The following LRP1B variants were observed in gnomAD, a reference collection of about 807,000 sequenced individuals.
LRP1B encodes the protein low-density lipoprotein receptor-related protein 1B.
In LRP1B, 217 loss-of-function variants were observed where a neutral mutation model predicts 556.6. The ratio of observed to expected loss-of-function variants is 0.39; its 90% confidence interval spans 0.35 to 0.44. The LOEUF (loss-of-function observed/expected upper bound fraction) is 0.44, where lower values mean the gene tolerates loss of function less well. Ranked by LOEUF, LRP1B falls within the 20% of genes least tolerant of loss-of-function variation. The pLI, the probability that LRP1B is intolerant of heterozygous loss-of-function variation, is 1.00. For missense variants in LRP1B, 5,053 were observed against 5,620.8 expected (o/e 0.90, Z 3.23); for synonymous variants, 2,047 against 1,865.8 (o/e 1.10, Z -2.50).
At chr2:141,054,550 T>G (rs563948531) in intron 10 of LRP1B, among the ~76,000 whole-genome samples, 1 of 152,154 alleles carries the variant, frequency 6.6e-6, no homozygotes, top group African/African-American at 2.4e-5. Context: ...CAAAGATATA[T>G]CTAAGAGATT....
chr2:140,234,997 A>G (rs919391893), intron 89 of LRP1B, 113 bp from the exon 90 acceptor site: 20 of 548,868 alleles, frequency 3.6e-5, no homozygotes, highest in Non-Finnish European at 5.9e-5. Flanking sequence ...TTAGCCTTAC[A>G]CCATTTACAG....
At chr2:141,990,328 C>A (rs1018126661) in intron 1 of LRP1B, among the ~76,000 whole-genome samples, 2 of 151,978 alleles carry the variant, frequency 1.3e-5, no homozygotes, top group African/African-American at 4.8e-5. Flanking sequence ...ATGTTAAATA[C>A]TTTAAAATTT....
chr2:141,611,035 C>T (rs1011925247), intron 2 of LRP1B, among the ~76,000 whole-genome samples: 45 of 152,116 alleles, frequency 3.0e-4, no homozygotes, highest in African/African-American at 8.0e-4. Context: ...AAAGCCATGC[C>T]TAATTATACA....
chr2:141,618,979 A>G (rs1688407783), intron 2 of LRP1B, among the ~76,000 whole-genome samples: 1 of 152,254 alleles, frequency 6.6e-6, no homozygotes, highest in Admixed American at 6.5e-5. Context: ...ATTGCATTAA[A>G]GTAAAACTTT....
chr2:140,604,263 C>T (rs1035725398), intron 41 of LRP1B, among the ~76,000 whole-genome samples: 1 of 151,814 alleles, frequency 6.6e-6, no homozygotes, highest in South Asian at 2.1e-4. Context: ...TCCCTCTTAC[C>T]CACTTTTGAG....
chr2:141,176,633 G>A (rs1680748762), intron 7 of LRP1B, among the ~76,000 whole-genome samples: 1 of 151,794 alleles, frequency 6.6e-6, no homozygotes, highest in African/African-American at 2.4e-5. Context: ...ATAGTAGTGT[G>A]AGAACAGATT....
chr2:142,089,326 T>G (rs1706073075), intron 1 of LRP1B, among the ~76,000 whole-genome samples: 1 of 152,130 alleles, frequency 6.6e-6, no homozygotes, highest in African/African-American at 2.4e-5. Flanking sequence ...AACTTATGCA[T>G]AAGACAAACA....
intron 1 of LRP1B, among the ~76,000 whole-genome samples, chr2:142,019,302 G>A (rs1372052350): frequency 6.6e-6 from 1 of 152,134 alleles, no homozygotes; most frequent in African/African-American, 2.4e-5. Flanking sequence ...TAGTTCAGTA[G>A]TTTAGTGTTG....
At chr2:141,369,783 G>A (rs76166078) in intron 3 of LRP1B, among the ~76,000 whole-genome samples, 6,737 of 152,014 alleles carry the variant, frequency 0.044, 226 homozygotes, top group African/African-American at 0.082. Context: ...TTGTACCCCC[G>A]GAGCAAGCTC....
chr2:140,651,973 T>C (rs1232358824), intron 41 of LRP1B, among the ~76,000 whole-genome samples: 2 of 152,066 alleles, frequency 1.3e-5, no homozygotes, highest in East Asian at 1.9e-4. Context: ...GTTTCTTGAA[T>C]ATGGGTAAGC....
intron 5 of LRP1B, among the ~76,000 whole-genome samples, chr2:141,243,986 A>C (rs1341310241): frequency 6.6e-6 from 1 of 152,200 alleles, no homozygotes; most frequent in Non-Finnish European, 1.5e-5. Context: ...AGGAGGAATA[A>C]TCAATTAACT....
rs1315708242 is a variant in LRP1B, at chr2:141,328,044, A to AT, written c.344-73404dup. Among the ~76,000 whole-genome samples, 3 of 152,340 alleles carry AT rather than the reference A, an allele frequency of 2.0e-5. No individual in the cohort carries two copies. The East Asian group carries it at 5.8e-4, about 29-fold the overall frequency. ...GATAAGTAAGATATCATGAATCTAA[A>AT]TAAAAAAAAGAAAAATTGTCATCCA... On this transcript the variant is annotated intron_variant, in intron 3 of 90. Coordinates refer to ENST00000389484, the MANE Select transcript of LRP1B (RefSeq NM_018557.3).
At chr2:141,011,504 A>G (rs930791414) in intron 14 of LRP1B, among the ~76,000 whole-genome samples, 1 of 152,090 alleles carries the variant, frequency 6.6e-6, no homozygotes, top group African/African-American at 2.4e-5. Flanking sequence ...TTTAATTTCT[A>G]TATTGTATTG....
At chr2:141,308,203 C>G (rs1050405831) in intron 3 of LRP1B, among the ~76,000 whole-genome samples, 1 of 152,074 alleles carries the variant, frequency 6.6e-6, no homozygotes, top group Non-Finnish European at 1.5e-5. Context: ...AGGACTTTCA[C>G]CTGAGAAGAC....
intron 41 of LRP1B, chr2:140,683,946 C>G (rs1685956731): frequency 2.6e-6 from 1 of 383,562 alleles, no homozygotes; most frequent in Non-Finnish European, 4.8e-6. Flanking sequence ...GGCTACGTGA[C>G]GCGCCTTTAC....
At position 141,942,792 on chromosome 2, in the gene LRP1B, C is replaced by A. The variant is rs866761856; in HGVS notation, c.83-132391G>T. On this transcript the variant is annotated intron_variant, in intron 1 of 90. Transcript: ENST00000389484. ...TACTGTGGACAACAGAGACTAGGAGCTGTAAGCAGACGAGGAGACCATATA... is the reference window on the plus strand; with the variant it reads ...TACTGTGGACAACAGAGACTAGGAGATGTAAGCAGACGAGGAGACCATATA... 9.2e-5 allele frequency among the ~76,000 whole-genome samples: 14 copies of A among 152,256 alleles called. No homozygotes were observed. The South Asian group carries it at 2.5e-3, about 27-fold the overall frequency.
chr2:141,666,491 T>C (rs1427006574), intron 2 of LRP1B, among the ~76,000 whole-genome samples: 1 of 152,208 alleles, frequency 6.6e-6, no homozygotes, highest in Non-Finnish European at 1.5e-5. Flanking sequence ...GTACATCCTT[T>C]CAAGTTTACT....
chr2:141,024,095 T>C (rs984844905), intron 11 of LRP1B, among the ~76,000 whole-genome samples: 11 of 152,042 alleles, frequency 7.2e-5, no homozygotes, highest in African/African-American at 2.4e-4. Context: ...TTCAATATGG[T>C]CTGAGGCCAT....
chr2:142,111,390 GTGTTT>G (rs1706984197), intron 1 of LRP1B, among the ~76,000 whole-genome samples: 1 of 152,056 alleles, frequency 6.6e-6, no homozygotes, highest in African/African-American at 2.4e-5. Context: ...ACCCTAATGT[GTGTTT>G]TGTAAATTAC....
Sources: gnomAD v4.1 joint callset for allele counts (sites outside exome capture counted in the v4.1 genomes callset) on GRCh38, gnomAD v4.1.1 for gene constraint, MANE v1.5 for transcripts, NCBI Gene and HGNC (gene_info 2026-07-23, HGNC 2026-07-21) for gene names.